The following EVA1A variants were observed in gnomAD, a reference collection of about 807,000 sequenced individuals.
EVA1A encodes protein eva-1 homolog A.
A neutral mutation model predicts 9.8 loss-of-function variants in EVA1A; 7 were observed. The ratio of observed to expected loss-of-function variants is 0.71; its 90% CI spans 0.41 to 1.34. The LOEUF (loss-of-function observed/expected upper bound fraction) is 1.34, where lower values mean the gene tolerates loss of function less well. EVA1A is among the 40% of genes most tolerant of loss of function. The pLI, the probability that EVA1A is intolerant of heterozygous loss-of-function variation, is 0.01. For synonymous variants in EVA1A, 90 were observed against 85.6 expected (o/e 1.05, Z -0.28); for missense variants, 206 against 205.9 (o/e 1.00, Z 0.00).
chr2:75,508,470 G>A (rs1293674895), intron 3 of EVA1A, among the ~76,000 whole-genome samples: 1 of 152,076 alleles, frequency 6.6e-6, no homozygotes, highest in African/African-American at 2.4e-5. Flanking sequence ...ATTAGGAAAA[G>A]GAAAATTCCT....
intron 3 of EVA1A, among the ~76,000 whole-genome samples, chr2:75,505,101 C>T (rs775067430): frequency 4.6e-5 from 7 of 152,202 alleles, no homozygotes; most frequent in Non-Finnish European, 8.8e-5. Context: ...CCTACAATCC[C>T]ATAGCTGCCC....
chr2:75,512,251 T>C (rs1322113275), intron 3 of EVA1A, among the ~76,000 whole-genome samples: 1 of 152,192 alleles, frequency 6.6e-6, no homozygotes, highest in Non-Finnish European at 1.5e-5. Context: ...ATCTTCATTA[T>C]AAACTATCAT....
At chr2:75,566,006 T>C (rs559662890) in intron 1 of EVA1A, among the ~76,000 whole-genome samples, 1 of 152,342 alleles carries the variant, frequency 6.6e-6, no homozygotes, top group South Asian at 2.1e-4. Context: ...TCTATCTCTC[T>C]CTTTCTCCAG....
At chr2:75,535,524 T>C (rs956938364) in intron 1 of EVA1A, among the ~76,000 whole-genome samples, 2 of 152,208 alleles carry the variant, frequency 1.3e-5, no homozygotes, top group South Asian at 2.1e-4. Context: ...AATTGCAAGA[T>C]ATGGAATCAA....
intron 3 of EVA1A, among the ~76,000 whole-genome samples, chr2:75,506,113 AT>A (rs1246089581): frequency 6.6e-6 from 1 of 152,194 alleles, no homozygotes. Flanking sequence ...GCTACATAGT[AT>A]TCTTCCCAGT....
chr2:75,537,379 ATGTTTACTCT>A (rs1558686555), intron 1 of EVA1A, among the ~76,000 whole-genome samples: 2 of 152,174 alleles, frequency 1.3e-5, no homozygotes, highest in Non-Finnish European at 2.9e-5. Context: ...GAAATACTCA[ATGTTTACTCT>A]TTAAGATCAG....
intron 1 of EVA1A, among the ~76,000 whole-genome samples, chr2:75,543,000 T>C (rs1676190869): frequency 6.6e-6 from 1 of 152,038 alleles, no homozygotes; most frequent in African/African-American, 2.4e-5. Context: ...ACAGGGAACA[T>C]TAGCCTGCAA....
intron 1 of EVA1A, among the ~76,000 whole-genome samples, chr2:75,568,611 C>T (rs1558698879): frequency 6.6e-6 from 1 of 152,100 alleles, no homozygotes; most frequent in Non-Finnish European, 1.5e-5. Flanking sequence ...CCTCACCTCC[C>T]TTCCAACCTT....
rs889543558 is a variant in EVA1A, at chr2:75,541,293, A to G, written c.-191-18806T>C. Among the ~76,000 whole-genome samples, 11 of 152,344 alleles carry G rather than the reference A, an allele frequency of 7.2e-5. No individual in the cohort carries two copies. The East Asian group carries it at 2.1e-3, about 29-fold the overall frequency. The stretch of plus-strand genomic sequence containing the variant: ...AGTTTTCAGACTCTAGATTCTGTCC[A>G]TAAGTATTAGGGCCCTAGCACCAGC... On this transcript the variant is annotated intron_variant, in intron 1 of 3. Coordinates refer to ENST00000393913, the MANE Select transcript of EVA1A (RefSeq NM_001135032.2).
intron 1 of EVA1A, among the ~76,000 whole-genome samples, chr2:75,556,107 A>G (rs1676701775): frequency 6.6e-6 from 1 of 152,166 alleles, no homozygotes; most frequent in South Asian, 2.1e-4. Flanking sequence ...TGTCTCTGGC[A>G]CCTGCACAGA....
At chr2:75,503,818 A>C (rs1281267900) in intron 3 of EVA1A, among the ~76,000 whole-genome samples, 1 of 152,156 alleles carries the variant, frequency 6.6e-6, no homozygotes, top group Non-Finnish European at 1.5e-5. Flanking sequence ...CACGGTACAA[A>C]TATACAGTTA....
upstream of EVA1A, among the ~76,000 whole-genome samples, chr2:75,565,017 C>T (rs17011478): frequency 0.032 from 4,864 of 152,302 alleles, 197 homozygotes; most frequent in East Asian, 0.13. Flanking sequence ...CTGCCAAAGG[C>T]ACCACAAGAT....
Position 75,556,619 on chromosome 2 carries a change from C to T in EVA1A, c.-192+4061G>A, listed in dbSNP as rs761058063. On this transcript the variant is annotated intron_variant, in intron 1 of 3. Coordinates refer to ENST00000393913, the MANE Select transcript of EVA1A (RefSeq NM_001135032.2). ...GAGGGGATAATGCCAGGAGACAGTA[C>T]GAGTCTGGTGTGGGAAAGGGAAGGC... Among the ~76,000 whole-genome samples, 18 of 152,136 alleles carry T rather than the reference C, an allele frequency of 1.2e-4. 1 individual carries two copies. The highest frequency in any genetic ancestry group is 1.6e-4 in the Non-Finnish European group (11 of 68,046).
chr2:75,547,923 T>A (rs770368354), intron 1 of EVA1A, among the ~76,000 whole-genome samples: 8 of 152,248 alleles, frequency 5.3e-5, no homozygotes, highest in Non-Finnish European at 1.2e-4. Flanking sequence ...ATTTGCATAT[T>A]GTCTGTGGCT....
At chr2:75,497,152 A>C (rs1388504167) in intron 3 of EVA1A, among the ~76,000 whole-genome samples, 1 of 152,212 alleles carries the variant, frequency 6.6e-6, no homozygotes, top group Non-Finnish European at 1.5e-5. Context: ...CCAAGTCTCC[A>C]AATGCAATTG....
intron 1 of EVA1A, among the ~76,000 whole-genome samples, chr2:75,541,284 A>G (rs1051261279): frequency 6.6e-6 from 1 of 152,216 alleles, no homozygotes; most frequent in East Asian, 1.9e-4. Flanking sequence ...CAGACTCTAG[A>G]TTCTGTCCAT....
At chr2:75,498,975 T>C (rs183737374) in intron 3 of EVA1A, among the ~76,000 whole-genome samples, 5 of 152,324 alleles carry the variant, frequency 3.3e-5, no homozygotes, top group Admixed American at 2.0e-4. Context: ...CCAATCTGCA[T>C]TTATTTGTGA....
intron 1 of EVA1A, among the ~76,000 whole-genome samples, chr2:75,546,657 G>A (rs1175364763): frequency 1.3e-5 from 2 of 152,126 alleles, no homozygotes; most frequent in East Asian, 3.9e-4. Flanking sequence ...TTCTTCTTGG[G>A]AAAGGGTCAT....
chr2:75,502,561 G>T (rs1474712581), intron 3 of EVA1A, among the ~76,000 whole-genome samples: 1 of 152,132 alleles, frequency 6.6e-6, no homozygotes, highest in East Asian at 1.9e-4. Context: ...AAGAGACATA[G>T]ATATGCACTC....
Sources: gnomAD v4.1 joint callset for allele counts (sites outside exome capture counted in the v4.1 genomes callset) on GRCh38, gnomAD v4.1.1 for gene constraint, MANE v1.5 for transcripts, NCBI Gene and HGNC (gene_info 2026-07-23, HGNC 2026-07-21) for gene names.